The following PCDHGA8 variants were observed in gnomAD, a reference collection of about 807,000 sequenced individuals.
PCDHGA8 encodes protocadherin gamma-A8.
In PCDHGA8, 45 loss-of-function variants were observed where a neutral mutation model predicts 59.2. The ratio of observed to expected loss-of-function variants is 0.76; its 90% CI spans 0.60 to 0.98. PCDHGA8 has a LOEUF of 0.98. Ranked by LOEUF, PCDHGA8 falls within the 50% of genes least tolerant of loss-of-function variation. The probability of loss-of-function intolerance (pLI) is 0.00; values close to 1 mark genes in which losing one functional copy is unlikely to be tolerated. For synonymous variants in PCDHGA8, 531 were observed against 519.0 expected, an observed-to-expected ratio of 1.02 and a Z score of -0.32; for missense variants, 1,257 against 1,196.2, an observed-to-expected ratio of 1.05 and a Z score of -0.75.
rs1186240180 is a variant in PCDHGA8, at chr5:141,432,270, A to T, written c.2424+37033A>T. On this transcript the variant is annotated intron_variant, in intron 1 of 3. Transcript: ENST00000398604. The surrounding 1 kb of genome is among the most constrained non-coding windows in gnomAD (Gnocchi z 6.0). ...ATCCAAGGGGCAAGCCTATCGTCCT[A>T]CGTGTCCATCAACTCCGACACTGGG... 1 of 1,614,024 alleles carries T rather than the reference A, an allele frequency of 6.2e-7. No homozygotes were observed. The highest frequency in any genetic ancestry group is 8.5e-7 in the Non-Finnish European group (1 of 1,180,028).
Position 141,489,629 on chromosome 5 carries a change from C to T in PCDHGA8, c.2425-5178C>T. Reference sequence around the variant, plus strand: ...GAGATCCTGGATCTCAATGACAACTCTCCTAGCTTTGCCACCCCTGAGCGA... The same window carrying T: ...GAGATCCTGGATCTCAATGACAACTTTCCTAGCTTTGCCACCCCTGAGCGA... On this transcript the variant is annotated intron_variant, in intron 1 of 3. Transcript: ENST00000398604. This position sits in a 1 kb window ranked among gnomAD's most constrained non-coding sequence, Gnocchi z 4.5. 6.2e-7 allele frequency: 1 copy of T among 1,614,142 alleles called. No homozygotes were observed. The highest frequency in any genetic ancestry group is 1.7e-5 in the Admixed American group (1 of 60,032).
chr5:141,436,089 T>C (rs1001252646), intron 1 of PCDHGA8, among the ~76,000 whole-genome samples: 1 of 152,204 alleles, frequency 6.6e-6, no homozygotes, highest in Non-Finnish European at 1.5e-5. Context: ...ATAGGTAATA[T>C]TGAGAGAAAT....
intron 1 of PCDHGA8, chr5:141,400,117 T>C (rs2093964744): frequency 1.2e-6 from 2 of 1,614,050 alleles, no homozygotes; most frequent in Non-Finnish European, 1.7e-6. Context: ...TGCTGACAGC[T>C]TGCAGGAGGT....
At chr5:141,407,407 G>A (rs558103918) in intron 1 of PCDHGA8, among the ~76,000 whole-genome samples, 17 of 152,216 alleles carry the variant, frequency 1.1e-4, no homozygotes, top group African/African-American at 3.6e-4. Context: ...GTTACTATTC[G>A]ATACCACAAA....
At chr5:141,427,153 T>C (rs2096993361) in intron 1 of PCDHGA8, 1 of 456,886 alleles carries the variant, frequency 2.2e-6, no homozygotes, top group Non-Finnish European at 4.4e-6. Context: ...GGAAATATGT[T>C]TGTGCTAGAC....
intron 1 of PCDHGA8, chr5:141,421,930 G>T (rs780569992): frequency 3.1e-6 from 5 of 1,613,480 alleles, no homozygotes; most frequent in Non-Finnish European, 4.2e-6. Context: ...GGTGGTCCTC[G>T]ATGTAAATGA....
At chr5:141,399,700 G>T (rs1354039219) in intron 1 of PCDHGA8, 1 of 1,613,422 alleles carries the variant, frequency 6.2e-7, no homozygotes. Flanking sequence ...GCGCACCTTC[G>T]AACTCACACT....
Position 141,491,504 on chromosome 5 carries a change from G to T in PCDHGA8, c.2425-3303G>T. 6.2e-7 allele frequency: 1 copy of T among 1,614,048 alleles called. No homozygotes were observed. The highest frequency in any genetic ancestry group is 2.2e-5 in the East Asian group (1 of 44,876). Reference sequence around the variant, plus strand: ...CCCAACCTGCAGGTGAGCTCGGACGGCACGCTCAAGTACATGGAGGTGACG... The same window carrying T: ...CCCAACCTGCAGGTGAGCTCGGACGTCACGCTCAAGTACATGGAGGTGACG... On this transcript the variant is annotated intron_variant, in intron 1 of 3. Transcript: ENST00000398604. The surrounding 1 kb of genome is among the most constrained non-coding windows in gnomAD (Gnocchi z 6.9).
In PCDHGA8 at chr5:141,393,251, G is replaced by T; in HGVS notation, c.438G>T (p.Ala146=). 5.6e-6 allele frequency: 9 copies of T among 1,613,814 alleles called. No homozygotes were observed. Among genetic ancestry groups the T allele is most frequent in the Non-Finnish European group, 6.8e-6 (8 of 1,179,906 alleles). Residue 146 remains alanine (A), a synonymous_variant, in exon 1 of 4, where the codon GCG becomes GCT. Transcript: ENST00000398604. ...EDLEVKINEI[A]VPGARYPLPE... is the part of the protein sequence containing the mutation. Reference sequence around the variant, plus strand: ...TAGAAGTAAAAATTAACGAAATCGCGGTTCCTGGAGCACGTTATCCACTCC... The same window carrying T: ...TAGAAGTAAAAATTAACGAAATCGCTGTTCCTGGAGCACGTTATCCACTCC...
At chr5:141,413,796 G>A in intron 1 of PCDHGA8, 2 of 1,613,190 alleles carry the variant, frequency 1.2e-6, no homozygotes, top group Non-Finnish European at 1.7e-6. Flanking sequence ...TAGATCGCGA[G>A]GAAGAGGCCA....
intron 1 of PCDHGA8, chr5:141,420,546 G>T: frequency 3.5e-6 from 1 of 284,254 alleles, no homozygotes; most frequent in Admixed American, 5.0e-5. Flanking sequence ...ATAAAATACA[G>T]GTATATTTTT....
rs1374094845 is a variant in PCDHGA8, at chr5:141,476,576, T to A, written c.2425-18231T>A. On this transcript the variant is annotated intron_variant, in intron 1 of 3. Coordinates refer to ENST00000398604, the MANE Select transcript of PCDHGA8 (RefSeq NM_032088.2). The surrounding 1 kb of genome is among the most constrained non-coding windows in gnomAD (Gnocchi z 7.6). Reference sequence around the variant, plus strand: ...CGAGGCCGTGGCTCCGGGGACGCGCTTTCCGCTCGAGAGCGCGCACGATCC... The same window carrying A: ...CGAGGCCGTGGCTCCGGGGACGCGCATTCCGCTCGAGAGCGCGCACGATCC... 3 of 1,614,102 alleles carry A rather than the reference T, an allele frequency of 1.9e-6. No individual in the cohort carries two copies. Among genetic ancestry groups the A allele is most frequent in the Middle Eastern group, 1.6e-4 (1 of 6,084 alleles).
intron 1 of PCDHGA8, chr5:141,408,115 C>A (rs2095044760): frequency 9.6e-6 from 14 of 1,461,430 alleles, no homozygotes; most frequent in South Asian, 2.9e-5. Flanking sequence ...GGGACTCCTC[C>A]TGTCCTGGGC....
intron 1 of PCDHGA8, chr5:141,408,715 G>T: frequency 1.9e-6 from 3 of 1,612,078 alleles, no homozygotes; most frequent in Non-Finnish European, 2.5e-6. Flanking sequence ...AAGATTATAA[G>T]ATAAACTCTA....
chr5:141,503,665 C>A (rs1210514896), intron 2 of PCDHGA8, among the ~76,000 whole-genome samples: 2 of 151,792 alleles, frequency 1.3e-5, no homozygotes, highest in African/African-American at 4.8e-5. Flanking sequence ...AATTACAACT[C>A]TTCCCACTTT....
In PCDHGA8 at chr5:141,427,541, C is replaced by G. The variant is rs541988301; in HGVS notation, c.2424+32304C>G. ...AGCGGATCCCGGAGTACAACGTCACCATCACTGCCACTGACAAGGGCAAGC... is the reference window on the plus strand; with the variant it reads ...AGCGGATCCCGGAGTACAACGTCACGATCACTGCCACTGACAAGGGCAAGC... On this transcript the variant is annotated intron_variant, in intron 1 of 3. Coordinates refer to ENST00000398604, the MANE Select transcript of PCDHGA8 (RefSeq NM_032088.2). 3.1e-5 allele frequency: 20 copies of G among 635,320 alleles called. No individual in the cohort carries two copies. The African/African-American group carries it at 3.6e-4, about 11-fold the overall frequency. The allele number at this position is 635,320 out of a possible 1,614,324, so 39.4% of individuals were successfully genotyped here.
intron 1 of PCDHGA8, chr5:141,479,691 C>T (rs2099503603): frequency 6.6e-6 from 1 of 152,206 alleles, no homozygotes; most frequent in Non-Finnish European, 1.5e-5. Context: ...TTTGGTGCCT[C>T]CAGTGTTAGT....
Position 141,487,500 on chromosome 5 carries a change from C to G in PCDHGA8, c.2425-7307C>G. 6.2e-7 allele frequency: 1 copy of G among 1,614,178 alleles called. No individual in the cohort carries two copies. Among genetic ancestry groups the G allele is most frequent in the East Asian group, 2.2e-5 (1 of 44,862 alleles). Reference sequence around the variant, plus strand: ...CACTCTCATGGCTGTACACCCTTGGCTTCTGCACCCACTCGGAGTGATAGC... The same window carrying G: ...CACTCTCATGGCTGTACACCCTTGGGTTCTGCACCCACTCGGAGTGATAGC... On this transcript the variant is annotated intron_variant, in intron 1 of 3. Coordinates refer to ENST00000398604, the MANE Select transcript of PCDHGA8 (RefSeq NM_032088.2). The surrounding 1 kb of genome is among the most constrained non-coding windows in gnomAD (Gnocchi z 5.0).
intron 1 of PCDHGA8, among the ~76,000 whole-genome samples, chr5:141,448,169 A>C (rs1418273084): frequency 6.6e-6 from 1 of 152,014 alleles, no homozygotes; most frequent in Non-Finnish European, 1.5e-5. Flanking sequence ...GATCACTACT[A>C]TTCATCCCTG....
Sources: allele counts gnomAD v4.1 joint callset (sites outside exome capture counted in the v4.1 genomes callset), GRCh38; gene constraint gnomAD v4.1.1; non-coding constraint Gnocchi (gnomAD v3.1); transcripts MANE v1.5; gene names NCBI Gene and HGNC (gene_info 2026-07-23, HGNC 2026-07-21).